Variants in PTPRR observed in about 807,000 individuals in gnomAD.
PTPRR encodes receptor-type tyrosine-protein phosphatase R.
Under a neutral mutation model 77.2 loss-of-function variants are expected in PTPRR, and 38 were observed. The observed-to-expected ratio is 0.49, with a 90% confidence interval of 0.38 to 0.65. PTPRR has a LOEUF of 0.65. PTPRR is among the 30% of genes least tolerant of loss of function. PTPRR has a pLI of 0.00. For synonymous variants in PTPRR, 299 were observed against 283.1 expected, an observed-to-expected ratio of 1.06 and a Z score of -0.57; for missense variants, 744 against 799.2, an observed-to-expected ratio of 0.93 and a Z score of 0.83.
chr12:70,674,634 G>T (rs1349826975), intron 10 of PTPRR, among the ~76,000 whole-genome samples: 2 of 152,084 alleles, frequency 1.3e-5, no homozygotes, highest in African/African-American at 4.8e-5. Flanking sequence ...AATTTGCCAA[G>T]ACTTGCTATA....
intron 2 of PTPRR, among the ~76,000 whole-genome samples, chr12:70,818,972 T>G (rs985275089): frequency 6.6e-6 from 1 of 152,136 alleles, no homozygotes; most frequent in African/African-American, 2.4e-5. Flanking sequence ...GCATGAACCC[T>G]GTCTACAAGG....
In PTPRR at chr12:70,818,297, G is replaced by A. The variant is rs1444276493; in HGVS notation, c.358-53519C>T. Reference sequence around the variant, plus strand: ...ACAGGACATACACACACAGATATGTGCCTCTCTCTCTATCTATCATCTATC... The same window carrying A: ...ACAGGACATACACACACAGATATGTACCTCTCTCTCTATCTATCATCTATC... On this transcript the variant is annotated intron_variant, in intron 2 of 13. Transcript: ENST00000283228. Among the ~76,000 whole-genome samples, 3 of 151,416 alleles carry A rather than the reference G, an allele frequency of 2.0e-5. No homozygotes were observed. In the East Asian group the frequency reaches 5.8e-4, roughly 29 times the overall value.
At chr12:70,733,478 A>AAAAAAAAAAAAAAAAAAAAAAAAAAAT (rs1889753304) in intron 6 of PTPRR, among the ~76,000 whole-genome samples, 1 of 88,572 alleles carries the variant, frequency 1.1e-5, no homozygotes. Flanking sequence ...GGCAAAAAAA[A>AAAAAAAAAAAAAAAAAAAAAAAAAAAT]AAAGAAAAAA....
At chr12:70,726,306 T>C (rs1461676572) in intron 6 of PTPRR, among the ~76,000 whole-genome samples, 1 of 152,118 alleles carries the variant, frequency 6.6e-6, no homozygotes, top group African/African-American at 2.4e-5. Flanking sequence ...CCTAGAAATG[T>C]ATGTACAGTG....
At position 70,886,011 on chromosome 12, in the gene PTPRR, C is replaced by T. The variant is rs895803850; in HGVS notation, c.357+6668G>A. The stretch of plus-strand genomic sequence containing the variant: ...ATCAATTAAACCAGCTCTCTTAAGA[C>T]TTGAGTCATCCTAATAGTGAATGTG... On this transcript the variant is annotated intron_variant, in intron 2 of 13. Coordinates refer to ENST00000283228, the MANE Select transcript of PTPRR (RefSeq NM_002849.4). Among the ~76,000 whole-genome samples the T allele has an allele frequency of 7.9e-5, 12 of 152,340 alleles. No individual in the cohort carries two copies. The South Asian group carries it at 2.3e-3, about 29-fold the overall frequency.
chr12:70,662,585 C>T lies in PTPRR; in HGVS notation c.1518G>A (p.Pro506=), dbSNP rs200506816. 50 of 1,609,870 alleles carry T rather than the reference C, an allele frequency of 3.1e-5. No homozygotes were observed. The highest frequency in any genetic ancestry group is 1.1e-4 in the African/African-American group (8 of 74,912). Residue 506 remains proline, a synonymous_variant, in exon 11 of 14, where the codon CCG becomes CCA. Transcript: ENST00000283228. ...EKNEKCVLYW[P]EKRGIYGKVE... The stretch of plus-strand genomic sequence containing the variant: ...CTTTTCCATATATCCCTCTCTTTTC[C>T]GGCCAGTATAGCACACATTTCTGGA...
intron 2 of PTPRR, among the ~76,000 whole-genome samples, chr12:70,889,247 A>G (rs1451057874): frequency 6.6e-6 from 1 of 152,220 alleles, no homozygotes; most frequent in Non-Finnish European, 1.5e-5. Context: ...TGTCTATTGA[A>G]AAAGTATCCA....
chr12:70,894,208 C>T (rs151030947), intron 1 of PTPRR, among the ~76,000 whole-genome samples: 5 of 151,792 alleles, frequency 3.3e-5, no homozygotes, highest in Admixed American at 1.3e-4. Flanking sequence ...CTATTTTTAT[C>T]TTTTACTTCC....
At chr12:70,860,614 G>A (rs1240127254) in intron 2 of PTPRR, among the ~76,000 whole-genome samples, 2 of 152,086 alleles carry the variant, frequency 1.3e-5, no homozygotes, top group South Asian at 2.1e-4. Flanking sequence ...CCACAATAAG[G>A]TTTGGATTTA....
At chr12:70,818,439 A>C (rs1366912309) in intron 2 of PTPRR, among the ~76,000 whole-genome samples, 3 of 152,022 alleles carry the variant, frequency 2.0e-5, no homozygotes, top group African/African-American at 4.8e-5. Flanking sequence ...TACTATGGGA[A>C]TATGAGAGCA....
chr12:70,765,046 G>C (rs1890782982), intron 2 of PTPRR, among the ~76,000 whole-genome samples: 1 of 152,186 alleles, frequency 6.6e-6, no homozygotes, highest in African/African-American at 2.4e-5. Flanking sequence ...TGGCCAAATA[G>C]GAACAGCTCC....
chr12:70,672,130 G>A, intron 10 of PTPRR: 1 of 1,405,120 alleles, frequency 7.1e-7, no homozygotes, highest in Non-Finnish European at 1.0e-6. Flanking sequence ...AGTTCCTAGA[G>A]CAGGGAGAGG....
At chr12:70,819,061 C>A (rs1237461771) in intron 2 of PTPRR, among the ~76,000 whole-genome samples, 1 of 152,154 alleles carries the variant, frequency 6.6e-6, no homozygotes, top group Non-Finnish European at 1.5e-5. Context: ...TGGCTCACAC[C>A]TGTAATCCCG....
At chr12:70,678,278 T>C (rs1592664043) in intron 10 of PTPRR, among the ~76,000 whole-genome samples, 1 of 152,166 alleles carries the variant, frequency 6.6e-6, no homozygotes, top group Non-Finnish European at 1.5e-5. Flanking sequence ...CAACCTCAGG[T>C]GATCTGGCTG....
intron 6 of PTPRR, among the ~76,000 whole-genome samples, chr12:70,734,432 G>A (rs1415183162): frequency 6.6e-6 from 1 of 152,176 alleles, no homozygotes; most frequent in Non-Finnish European, 1.5e-5. Flanking sequence ...TGGTATGAGT[G>A]CAAATGGAGA....
chr12:70,842,382 T>C (rs1892411714), intron 2 of PTPRR, among the ~76,000 whole-genome samples: 1 of 152,236 alleles, frequency 6.6e-6, no homozygotes, highest in African/African-American at 2.4e-5. Context: ...ATTTATGACA[T>C]GCATGTTGGT....
chr12:70,706,803 G>A (rs988174191), intron 6 of PTPRR, among the ~76,000 whole-genome samples: 1 of 152,070 alleles, frequency 6.6e-6, no homozygotes, highest in South Asian at 2.1e-4. Context: ...TCTGCATTTC[G>A]CTTAAGCAAC....
chr12:70,768,715 A>G (rs1367812935), intron 2 of PTPRR, among the ~76,000 whole-genome samples: 4 of 152,172 alleles, frequency 2.6e-5, no homozygotes, highest in African/African-American at 9.7e-5. Context: ...AAAAAAGAGA[A>G]TTTTAGACCA....
intron 2 of PTPRR, among the ~76,000 whole-genome samples, chr12:70,824,099 C>A (rs1263912922): frequency 6.6e-6 from 1 of 152,198 alleles, no homozygotes; most frequent in Non-Finnish European, 1.5e-5. Context: ...CAACGTTAGA[C>A]AGACTTATTG....
Sources: allele counts gnomAD v4.1 joint callset (sites outside exome capture counted in the v4.1 genomes callset), GRCh38; gene constraint gnomAD v4.1.1; transcripts MANE v1.5; gene names NCBI Gene and HGNC (gene_info 2026-07-23, HGNC 2026-07-21).